Variants in CDKL5 observed in about 807,000 individuals in gnomAD.
The protein encoded by CDKL5 is cyclin dependent kinase like 5.
CDKL5 carries 8 observed loss-of-function variants against 61.7 expected under a neutral mutation model. The observed-to-expected ratio is 0.13, with a 90% CI of 0.08 to 0.23. The LOEUF (loss-of-function observed/expected upper bound fraction) is 0.23, where lower values mean the gene tolerates loss of function less well. CDKL5 is among the 10% of genes least tolerant of loss of function. The pLI, the probability that CDKL5 is intolerant of heterozygous loss-of-function variation, is 1.00. For synonymous variants in CDKL5, 275 were observed against 272.3 expected (o/e 1.01, Z -0.10); for missense variants, 440 against 734.5 (o/e 0.60, Z 4.63).
chrX:18,435,526 A>G (rs1164836522), intron 1 of CDKL5, among the ~76,000 whole-genome samples: 2 of 111,363 alleles, frequency 1.8e-5, no homozygotes, highest in East Asian at 2.8e-4. Flanking sequence ...GCTGGAGACT[A>G]CATGGAGTGA....
intron 5 of CDKL5, among the ~76,000 whole-genome samples, chrX:18,577,368 A>T (rs190596182): frequency 4.9e-4 from 55 of 111,731 alleles, no homozygotes; most frequent in African/African-American, 1.6e-3. Context: ...GTTCTTAGGT[A>T]GAATGTGACT....
chrX:18,548,684 A>G (rs1924282067), intron 3 of CDKL5, among the ~76,000 whole-genome samples: 1 of 112,072 alleles, frequency 8.9e-6, no homozygotes, highest in Non-Finnish European at 1.9e-5. Flanking sequence ...GCAGTGCTTG[A>G]ATAGGGAGTT....
intron 14 of CDKL5, among the ~76,000 whole-genome samples, chrX:18,611,281 A>G (rs1926542507): frequency 9.1e-6 from 1 of 109,606 alleles, no homozygotes; most frequent in South Asian, 4.0e-4. Flanking sequence ...AAAATAAAAA[A>G]TAAAATAGCC....
chrX:18,530,702 T>C (rs1025437429), intron 3 of CDKL5, among the ~76,000 whole-genome samples: 1 of 111,915 alleles, frequency 8.9e-6, no homozygotes, highest in Non-Finnish European at 1.9e-5. Context: ...TAGACTATGC[T>C]TTTTCTTGCT....
Position 18,604,884 on chromosome X carries a change from T to A in CDKL5, c.1944+16T>A. The A allele has an allele frequency of 2.5e-6, 3 of 1,210,734 alleles. No homozygotes were observed. The highest frequency in any genetic ancestry group is 3.4e-6 in the Non-Finnish European group (3 of 894,837). ...GTCACCCCAGGTACAGTTGAGCACCTTGACTGAATCTGGTGGCCCTTCAGG... is the reference window on the plus strand; with the variant it reads ...GTCACCCCAGGTACAGTTGAGCACCATGACTGAATCTGGTGGCCCTTCAGG... On this transcript the variant is annotated intron_variant, in intron 12 of 17. Transcript: ENST00000623535.
intron 6 of CDKL5, among the ~76,000 whole-genome samples, chrX:18,580,670 A>C (rs1193094007): frequency 3.6e-5 from 4 of 111,692 alleles, no homozygotes; most frequent in Non-Finnish European, 7.5e-5. Flanking sequence ...TGCACTGGAG[A>C]GTTTTACAGT....
chrX:18,438,789 C>CA (rs1196032367), intron 1 of CDKL5, among the ~76,000 whole-genome samples: 349 of 29,151 alleles, frequency 0.012, 3 homozygotes, highest in East Asian at 0.04. Context: ...ACCTCCGTCT[C>CA]AAAAAAAAAA....
chrX:18,566,218 C>G (rs886465201), intron 4 of CDKL5, among the ~76,000 whole-genome samples: 4 of 111,999 alleles, frequency 3.6e-5, no homozygotes, highest in African/African-American at 1.3e-4. Flanking sequence ...GTGGCGCAAT[C>G]TTGGCTCACT....
intron 4 of CDKL5, among the ~76,000 whole-genome samples, chrX:18,572,997 G>A (rs1925183391): frequency 8.9e-6 from 1 of 111,817 alleles, no homozygotes; most frequent in Admixed American, 9.5e-5. Flanking sequence ...TTGTGGTCTG[G>A]GAAAGGCTCT....
intron 20 of CDKL5, chrX:18,649,958 T>C (rs1464598337): frequency 1.1e-5 from 2 of 189,118 alleles, no homozygotes; most frequent in Non-Finnish European, 2.0e-5. Context: ...CTGAACCTCC[T>C]TTTTGTTTTC....
intron 11 of CDKL5, among the ~76,000 whole-genome samples, chrX:18,602,180 T>C (rs1420258533): frequency 1.8e-5 from 2 of 111,777 alleles, no homozygotes; most frequent in Admixed American, 1.9e-4. Flanking sequence ...ATCTGCAGCA[T>C]TGGGTTCCTG....
chrX:18,538,707 C>T (rs780965996), intron 3 of CDKL5, among the ~76,000 whole-genome samples: 1 of 111,714 alleles, frequency 9.0e-6, no homozygotes, highest in South Asian at 3.7e-4. Context: ...CATTGAGTTC[C>T]TTTTGCAGTG....
At chrX:18,557,519 C>T (rs777309496) in intron 3 of CDKL5, among the ~76,000 whole-genome samples, 2 of 111,110 alleles carry the variant, frequency 1.8e-5, no homozygotes, top group African/African-American at 3.3e-5. Context: ...TGGCTTAATC[C>T]GTGAATAGTA....
chrX:18,526,434 T>C (rs1479271853), intron 3 of CDKL5, among the ~76,000 whole-genome samples: 1 of 112,024 alleles, frequency 8.9e-6, no homozygotes, highest in Non-Finnish European at 1.9e-5. Flanking sequence ...CCAATTTGTA[T>C]ATCTTTTCTT....
intron 4 of CDKL5, among the ~76,000 whole-genome samples, chrX:18,575,114 A>T (rs1925253257): frequency 8.9e-6 from 1 of 112,315 alleles, no homozygotes; most frequent in South Asian, 3.7e-4. Flanking sequence ...TAAAAGGAGT[A>T]TAAGAAAATA....
Position 18,625,248 on chromosome X carries a change from G to A in CDKL5, c.2496+1G>A. The A allele has an allele frequency of 8.3e-7, 1 of 1,208,906 alleles. No homozygotes were observed. Among genetic ancestry groups the A allele is most frequent in the East Asian group, 3.0e-5 (1 of 33,807 alleles). ...GAAGATCTCAGATCTGCAGACCCAA[G>A]TGAGTGGATCCTGCACCACTGCTAG... On this transcript the variant is annotated splice_donor_variant, in intron 17 of 17. Coordinates refer to ENST00000623535, the MANE Select transcript of CDKL5 (RefSeq NM_001323289.2). LOFTEE classifies it high-confidence loss of function.
At chrX:18,626,697 TCTCTCTCTCTCTCTCTCTCTCTCTCTCC>T in intron 17 of CDKL5, 1 of 42,203 alleles carries the variant, frequency 2.4e-5, no homozygotes, top group African/African-American at 9.2e-5. Context: ...TCTCTCTCTC[TCTCTCTCTCTCTCTCTCTCTCTCTCTCC>T]CCCCTCTCTC....
chrX:18,432,075 ATTTCTTTCTTTC>A (rs201355473), intron 1 of CDKL5, among the ~76,000 whole-genome samples: 1 of 97,968 alleles, frequency 1.0e-5, no homozygotes, highest in Admixed American at 1.1e-4. Context: ...CACCTGGCTA[ATTTCTTTCTTTC>A]TTTCTTTCTT....
rs552576368 is a variant in CDKL5, at chrX:18,499,746, A to C, written c.-162-7189A>C. Among the ~76,000 whole-genome samples, 47 of 111,613 alleles carry C rather than the reference A, an allele frequency of 4.2e-4. No homozygotes were observed. In the South Asian group the frequency reaches 0.017, roughly 41 times the overall value. ...TCATTTATAGGCTATCCCTGACCCA[A>C]AGTCTTTTGGGATCATTTTCTTTTT... is the stretch of plus-strand genomic sequence containing the variant. On this transcript the variant is annotated intron_variant, in intron 1 of 17. Transcript: ENST00000623535.
Sources: gnomAD v4.1 joint callset for allele counts (sites outside exome capture counted in the v4.1 genomes callset) on GRCh38, gnomAD v4.1.1 for gene constraint, MANE v1.5 for transcripts, NCBI Gene and HGNC (gene_info 2026-07-23, HGNC 2026-07-21) for gene names.